Variants in GAK observed in about 807,000 individuals in gnomAD.
The protein encoded by GAK is cyclin G associated kinase.
Under a neutral mutation model 143.9 loss-of-function variants are expected in GAK, and 79 were observed. That is an observed-to-expected ratio of 0.55 (90% CI 0.46 to 0.66). The LOEUF (loss-of-function observed/expected upper bound fraction) is 0.66, where lower values mean the gene tolerates loss of function less well. GAK is among the 30% of genes least tolerant of loss of function. The pLI, the probability that GAK is intolerant of heterozygous loss-of-function variation, is 0.00. For synonymous variants in GAK, 881 were observed against 765.5 expected, an observed-to-expected ratio of 1.15 and a Z score of -2.49; for missense variants, 1,693 against 1,779.7, an observed-to-expected ratio of 0.95 and a Z score of 0.88.
At chr4:866,122 G>C (rs1751120160) in intron 22 of GAK, among the ~76,000 whole-genome samples, 1 of 152,260 alleles carries the variant, frequency 6.6e-6, no homozygotes, top group Admixed American at 6.5e-5. Flanking sequence ...AGACGACTGA[G>C]GCACTGCAGG....
chr4:892,702 A>T (rs1295978724), intron 9 of GAK, among the ~76,000 whole-genome samples: 2 of 151,974 alleles, frequency 1.3e-5, no homozygotes, highest in East Asian at 3.9e-4. Context: ...AGAAACACAG[A>T]CGCAGAGCAA....
chr4:882,475 A>T (rs1395361366), intron 14 of GAK, among the ~76,000 whole-genome samples: 1 of 151,754 alleles, frequency 6.6e-6, no homozygotes, highest in African/African-American at 2.4e-5. Flanking sequence ...CCACACGGGC[A>T]TGCAGGTCAA....
chr4:887,976 T>C (rs980230393), intron 11 of GAK: 14 of 152,302 alleles, frequency 9.2e-5, no homozygotes, highest in African/African-American at 3.4e-4. Context: ...CAAAGACACA[T>C]GCACCCACGC....
intron 1 of GAK, among the ~76,000 whole-genome samples, chr4:929,528 T>C (rs1725348545): frequency 1.3e-5 from 2 of 152,106 alleles, no homozygotes; most frequent in Admixed American, 1.3e-4. Flanking sequence ...ATCTCTGACA[T>C]GGTTGGTGCT....
Position 867,101 on chromosome 4 carries a change from G to A in GAK, c.2727C>T (p.Asp909=), listed in dbSNP as rs764120874. The change falls in exon 21 of 28, where the codon GAC becomes GAT. Residue 909 remains aspartate (D), a synonymous_variant. Transcript: ENST00000314167. ...QACKAPSSNT[D]LLSCLLGPPE... ...GGGGCCCAAGGAGGCAGCTGAGCAGGTCGGTGTTGCTGGAGGGGGCCTTGC... is the reference window on the plus strand; with the variant it reads ...GGGGCCCAAGGAGGCAGCTGAGCAGATCGGTGTTGCTGGAGGGGGCCTTGC... 1.3e-6 allele frequency: 2 copies of A among 1,571,556 alleles called. No homozygotes were observed. The highest frequency in any genetic ancestry group is 1.2e-5 in the South Asian group (1 of 85,554).
intron 19 of GAK, 141 bp from the exon 20 acceptor site, chr4:868,826 G>C: frequency 1.3e-6 from 1 of 785,714 alleles, no homozygotes; most frequent in Non-Finnish European, 2.0e-6. Context: ...CCAATGACAT[G>C]ACGGGGAGGG....
At chr4:915,751 G>A (rs1723009689) in intron 1 of GAK, 1 of 152,184 alleles carries the variant, frequency 6.6e-6, no homozygotes, top group Admixed American at 6.5e-5. Flanking sequence ...AGACCAACAG[G>A]AACACTGCAT....
rs1560387282 is a variant in GAK, at chr4:896,472, C to T, written c.729G>A (p.Lys243=). ...DLYSNFPIGE[K]QDIWALGCIL... is the part of the protein sequence containing the mutation. ...CGCCAGACCTCACCCAGATATCCTGCTTCTCGCCGATCGGGAAGTTGGAAT... is the reference window on the plus strand; with the variant it reads ...CGCCAGACCTCACCCAGATATCCTGTTTCTCGCCGATCGGGAAGTTGGAAT... Residue 243 remains lysine (K), a synonymous_variant, in exon 7 of 28, where the codon AAG becomes AAA. Transcript: ENST00000314167. 1.9e-6 allele frequency: 3 copies of T among 1,613,944 alleles called. No homozygotes were observed. Among genetic ancestry groups the T allele is most frequent in the Admixed American group, 1.7e-5 (1 of 60,028 alleles).
chr4:903,582 G>T (rs1577246155), intron 5 of GAK, among the ~76,000 whole-genome samples: 1 of 151,252 alleles, frequency 6.6e-6, no homozygotes, highest in East Asian at 1.9e-4. Flanking sequence ...AACACCACTG[G>T]GGGGCTGAGG....
chr4:882,561 G>A, intron 14 of GAK, 136 bp downstream of exon 14: 1 of 1,142,172 alleles, frequency 8.8e-7, no homozygotes, highest in African/African-American at 1.5e-5. Flanking sequence ...AAGACACCAA[G>A]CACAGGGACT....
intron 1 of GAK, among the ~76,000 whole-genome samples, chr4:931,585 CCA>C (rs1725805159): frequency 6.6e-6 from 1 of 152,130 alleles, no homozygotes; most frequent in Admixed American, 6.5e-5. Flanking sequence ...AGGCTTAAAC[CCA>C]CCTCCTGCAC....
chr4:865,043 T>C (rs1195002845), intron 23 of GAK, 79 bp downstream of exon 23: 2 of 1,545,478 alleles, frequency 1.3e-6, no homozygotes, highest in Non-Finnish European at 1.8e-6. Flanking sequence ...AGGGCCCTGT[T>C]ACAGGTACGT....
intron 6 of GAK, 137 bp downstream of exon 6, chr4:897,879 GCGGAGGTTGCAGTGAGC>G: frequency 1.3e-6 from 1 of 760,838 alleles, no homozygotes; most frequent in Non-Finnish European, 2.0e-6. Context: ...AACCCAGGAG[GCGGAGGTTGCAGTGAGC>G]CGGGATTGCA....
At chr4:928,278 G>A (rs1725160371) in intron 1 of GAK, among the ~76,000 whole-genome samples, 1 of 152,184 alleles carries the variant, frequency 6.6e-6, no homozygotes. Flanking sequence ...GGCTGGTTTC[G>A]AACTCCTGAC....
intron 18 of GAK, among the ~76,000 whole-genome samples, chr4:875,361 C>T (rs1288958644): frequency 2.6e-5 from 4 of 152,250 alleles, no homozygotes. Flanking sequence ...AAAAGAATCA[C>T]AGAGACAGAA....
chr4:883,293 G>A lies in GAK; in HGVS notation c.1404+22C>T, dbSNP rs753758527. Reference sequence around the variant, plus strand: ...GAAGGAAGCTCCAGAGTGGCACCAAGACAAAGCCTGTGGCCACACACCCGG... The same window carrying A: ...GAAGGAAGCTCCAGAGTGGCACCAAAACAAAGCCTGTGGCCACACACCCGG... On this transcript the variant is annotated intron_variant, in intron 13 of 27. Coordinates refer to ENST00000314167, the MANE Select transcript of GAK (RefSeq NM_005255.4). 8 of 1,611,772 alleles carry A rather than the reference G, an allele frequency of 5.0e-6. No homozygotes were observed. The African/African-American group carries it at 9.3e-5, about 19-fold the overall frequency.
chr4:868,594 T>G lies in GAK; in HGVS notation c.2340A>C (p.Ser780=). The change falls in exon 20 of 28, where the codon TCA becomes TCC. Residue 780 remains serine, a synonymous_variant. Coordinates refer to ENST00000314167, the MANE Select transcript of GAK (RefSeq NM_005255.4). ...SPEAEPTDSD[S]PPSSSADASR... The stretch of plus-strand genomic sequence containing the variant: ...TGGCGTCCGCGCTGCTGCTTGGCGG[T>G]GAGTCAGAGTCTGTGGGTTCGGCTT... 6.2e-7 allele frequency: 1 copy of G among 1,603,084 alleles called. No homozygotes were observed. The highest frequency in any genetic ancestry group is 8.5e-7 in the Non-Finnish European group (1 of 1,175,248).
intron 6 of GAK, 87 bp downstream of exon 6, chr4:897,946 C>T (rs973665416): frequency 2.2e-5 from 32 of 1,432,546 alleles, no homozygotes; most frequent in Middle Eastern, 5.0e-4. Flanking sequence ...AGACTCAAAG[C>T]ACCCCGGCGG....
intron 1 of GAK, among the ~76,000 whole-genome samples, chr4:920,394 G>A (rs1226447578): frequency 6.6e-6 from 1 of 151,888 alleles, no homozygotes; most frequent in Non-Finnish European, 1.5e-5. Context: ...ATCACACACA[G>A]TGCAGGGAAA....
Sources: gnomAD v4.1 joint callset for allele counts (sites outside exome capture counted in the v4.1 genomes callset) on GRCh38, gnomAD v4.1.1 for gene constraint, MANE v1.5 for transcripts, NCBI Gene and HGNC (gene_info 2026-07-23, HGNC 2026-07-21) for gene names.